The following DLEC1 variants were observed in gnomAD, a reference collection of about 807,000 sequenced individuals.
DLEC1 encodes the protein DLEC1 cilia and flagella associated protein.
DLEC1 carries 146 observed loss-of-function variants against 198.1 expected under a neutral mutation model. That is an observed-to-expected ratio of 0.74 (90% CI 0.64 to 0.85). DLEC1 has a LOEUF of 0.85. Ranked by LOEUF, DLEC1 falls within the 40% of genes least tolerant of loss-of-function variation. The pLI is 0.00. For missense variants in DLEC1, 2,233 were observed against 2,220.0 expected (o/e 1.01, Z -0.12); for synonymous variants, 897 against 866.8 (o/e 1.03, Z -0.61).
At position 38,062,477 on chromosome 3, in the gene DLEC1, G is replaced by A. The variant is rs369795790; in HGVS notation, c.874-104G>A. 1.1e-4 allele frequency: 175 copies of A among 1,575,684 alleles called. No homozygotes were observed. In the South Asian group the frequency reaches 1.2e-3, roughly 11 times the overall value. ...TGTGATGAATCCATCGCAAAATAGAGTAGAGCTTGTGTTGGCCATCTATGG... is the reference window on the plus strand; with the variant it reads ...TGTGATGAATCCATCGCAAAATAGAATAGAGCTTGTGTTGGCCATCTATGG... On this transcript the variant is annotated intron_variant, in intron 4 of 36. Transcript: ENST00000308059.
At chr3:38,057,356 G>A (rs745514215) in intron 2 of DLEC1, among the ~76,000 whole-genome samples, 43 of 152,282 alleles carry the variant, frequency 2.8e-4, no homozygotes, top group Non-Finnish European at 4.3e-4. Context: ...GCTGGGCGTG[G>A]TGGCACGAGC....
At chr3:38,108,624 G>T (rs1027327978) in intron 21 of DLEC1, 109 bp downstream of exon 21, 3 of 848,050 alleles carry the variant, frequency 3.5e-6, no homozygotes, top group Non-Finnish European at 3.8e-6. Context: ...GGTTCTTGTG[G>T]GTGGGGAAGA....
chr3:38,048,978 T>C (rs1317894242), intron 2 of DLEC1, among the ~76,000 whole-genome samples: 1 of 152,198 alleles, frequency 6.6e-6, no homozygotes, highest in Non-Finnish European at 1.5e-5. Context: ...CTTTACTGGT[T>C]GCCTGATGTT....
At chr3:38,046,994 C>A (rs905998874) in intron 2 of DLEC1, among the ~76,000 whole-genome samples, 11 of 152,204 alleles carry the variant, frequency 7.2e-5, no homozygotes, top group African/African-American at 2.7e-4. Context: ...TTCTGGGCAA[C>A]AGGACCACAT....
At chr3:38,068,124 C>G (rs1017451152) in intron 6 of DLEC1, among the ~76,000 whole-genome samples, 12 of 152,196 alleles carry the variant, frequency 7.9e-5, no homozygotes, top group Admixed American at 2.0e-4. Context: ...ATGACCTAAT[C>G]TTGTAAGTTG....
At chr3:38,041,224 G>A (rs1474320996) in intron 1 of DLEC1, among the ~76,000 whole-genome samples, 2 of 151,924 alleles carry the variant, frequency 1.3e-5, no homozygotes, top group Admixed American at 6.6e-5. Flanking sequence ...GGATGGTCTC[G>A]ATCTCCTGAC....
Position 38,088,372 on chromosome 3 carries a change from A to G in DLEC1, c.1649A>G (p.His550Arg), listed in dbSNP as rs753702252. 42 of 1,613,366 alleles carry G rather than the reference A, an allele frequency of 2.6e-5. No homozygotes were observed. The highest frequency in any genetic ancestry group is 5.3e-5 in the African/African-American group (4 of 74,910). ...LPSVFELAPG[H>R]AILVEVLFSP... ...TCGGTGTTTGAGCTGGCCCCGGGAC[A>G]TGCTATATTAGTGGAGGTAGGTAAT... Residue 550 changes from histidine to arginine, a missense_variant, in exon 10 of 37, where the codon CAT becomes CGT. Coordinates refer to ENST00000308059, the MANE Select transcript of DLEC1 (RefSeq NM_007335.4).
intron 6 of DLEC1, among the ~76,000 whole-genome samples, chr3:38,080,146 G>C (rs1697887515): frequency 6.6e-6 from 1 of 152,168 alleles, no homozygotes; most frequent in African/African-American, 2.4e-5. Context: ...CATTAACCTT[G>C]ACTATGCCTT....
At chr3:38,099,710 T>C (rs1040519894) in intron 18 of DLEC1, among the ~76,000 whole-genome samples, 1 of 145,726 alleles carries the variant, frequency 6.9e-6, no homozygotes, top group African/African-American at 2.5e-5. Flanking sequence ...CTTTTCTTCC[T>C]GCTCTTTCCC....
At chr3:38,098,012 G>T in intron 18 of DLEC1, 110 bp downstream of exon 18, 1 of 1,403,070 alleles carries the variant, frequency 7.1e-7, no homozygotes, top group East Asian at 2.4e-5. Flanking sequence ...GGCTGGTGGA[G>T]GAAAAGCCTG....
At chr3:38,069,357 AG>A (rs1244533258) in intron 6 of DLEC1, among the ~76,000 whole-genome samples, 1 of 152,238 alleles carries the variant, frequency 6.6e-6, no homozygotes, top group African/African-American at 2.4e-5. Flanking sequence ...CTAGAAAAAG[AG>A]GGAATGTACC....
intron 14 of DLEC1, 57 bp downstream of exon 14, chr3:38,096,003 G>A: frequency 6.2e-7 from 1 of 1,602,858 alleles, no homozygotes; most frequent in African/African-American, 1.3e-5. Context: ...CCCCACCTTG[G>A]GGGTTCTCCT....
At position 38,059,767 on chromosome 3, in the gene DLEC1, A is replaced by T; in HGVS notation, c.588A>T (p.Ile196=). ...PPVKSVSRWC[I]DSELLRKHHL... is the part of the protein sequence containing the mutation. ...TGAAGAGTGTCTCCAGATGGTGTAT[A>T]GACAGCGAGTTGCTACGGAAACATC... The change falls in exon 3 of 37, where the codon ATA becomes ATT. Residue 196 remains isoleucine, a synonymous_variant. Transcript: ENST00000308059. 1 of 1,614,148 alleles carries T rather than the reference A, an allele frequency of 6.2e-7. No homozygotes were observed. Among genetic ancestry groups the T allele is most frequent in the Non-Finnish European group, 8.5e-7 (1 of 1,180,012 alleles).
intron 28 of DLEC1, 42 bp downstream of exon 28, chr3:38,116,700 G>A (rs1313794925): frequency 1.9e-6 from 3 of 1,610,990 alleles, no homozygotes; most frequent in Non-Finnish European, 2.5e-6. Context: ...GCCACTGAGG[G>A]CCACTGAGGT....
In DLEC1 at chr3:38,096,646, C is replaced by T; in HGVS notation, c.2249C>T (p.Ser750Leu). The change falls in exon 15 of 37, where the codon TCA becomes TTA. Residue 750 changes from serine (S) to leucine (L), a missense_variant. Ser to Leu is a moderately radical substitution (Grantham distance 145). Coordinates refer to ENST00000308059, the MANE Select transcript of DLEC1 (RefSeq NM_007335.4). ...GTCCTGGAAATCGAGGTGAAAGGCT[C>T]AGTAGAACCTTTCCAGGTTCTCTTA... ...VIVLEIEVKG[S>L]VEPFQVLLEP... 6.2e-7 allele frequency: 1 copy of T among 1,613,168 alleles called. No individual in the cohort carries two copies. Among genetic ancestry groups the T allele is most frequent in the Non-Finnish European group, 8.5e-7 (1 of 1,180,008 alleles).
At chr3:38,086,466 T>G (rs1324630607) in intron 9 of DLEC1, 89 bp downstream of exon 9, 1 of 1,491,924 alleles carries the variant, frequency 6.7e-7, no homozygotes, top group Non-Finnish European at 9.0e-7. Context: ...ATACCTATGA[T>G]TGGAAACACA....
intron 2 of DLEC1, among the ~76,000 whole-genome samples, 165 bp from the exon 3 acceptor site, chr3:38,059,577 C>T (rs1696567071): frequency 6.6e-6 from 1 of 152,174 alleles, no homozygotes; most frequent in Non-Finnish European, 1.5e-5. Flanking sequence ...TTTTAAGTGG[C>T]TGATAGATAC....
At chr3:38,120,650 T>C (rs200336736) in intron 34 of DLEC1, 41 bp downstream of exon 34, 58 of 1,610,004 alleles carry the variant, frequency 3.6e-5, no homozygotes, top group South Asian at 6.6e-5. Flanking sequence ...AGGGTGGAAG[T>C]GGGCTGGGCT....
chr3:38,123,443 TC>T lies in DLEC1; in HGVS notation c.*1034del. Reference sequence around the variant, plus strand: ...AAAGACACAATCCCAAACACAATCATCCCAAATGTTGAAATCCTGGAAGAAC... The same window carrying T: ...AAAGACACAATCCCAAACACAATCATCCAAATGTTGAAATCCTGGAAGAAC... On this transcript the variant is annotated 3_prime_UTR_variant, in exon 37 of 37. Transcript: ENST00000308059. The T allele has an allele frequency of 4.2e-6, 1 of 237,160 alleles. No individual in the cohort carries two copies. The highest frequency in any genetic ancestry group is 8.1e-6 in the Non-Finnish European group (1 of 123,104). 14.7% of individuals were successfully genotyped at this position (237,160 alleles called of 1,614,324 possible).
Sources: allele counts gnomAD v4.1 joint callset (sites outside exome capture counted in the v4.1 genomes callset), GRCh38; gene constraint gnomAD v4.1.1; transcripts MANE v1.5; gene names NCBI Gene and HGNC (gene_info 2026-07-23, HGNC 2026-07-21).